SLC49A4: variants seen among roughly 807,000 people sequenced by gnomAD.
SLC49A4 encodes solute carrier family 49 member 4, also known as disrupted in renal cancer protein 2.
A neutral mutation model predicts 50.6 loss-of-function variants in SLC49A4; 36 were observed. The ratio of observed to expected loss-of-function variants is 0.71; its 90% CI spans 0.55 to 0.94. The LOEUF is 0.94. SLC49A4 is among the 40% of genes least tolerant of loss of function. The probability of loss-of-function intolerance (pLI) is 0.00; values close to 1 mark genes in which losing one functional copy is unlikely to be tolerated. For missense variants in SLC49A4, 503 were observed against 605.7 expected, an observed-to-expected ratio of 0.83 and a Z score of 1.78; for synonymous variants, 248 against 241.2, an observed-to-expected ratio of 1.03 and a Z score of -0.26.
In SLC49A4 at chr3:122,860,189, A is replaced by G. The variant is rs1312659478; in HGVS notation, c.1125A>G (p.Leu375=). Residue 375 remains leucine (L), a synonymous_variant, in exon 7 of 9, where the codon CTA becomes CTG. Transcript: ENST00000261038. Reference sequence around the variant, plus strand: ...CCTGTTTGAACAGCATCACACACCTACCTTTAACCACAGGTGAGCATAGGC... The same window carrying G: ...CCTGTTTGAACAGCATCACACACCTGCCTTTAACCACAGGTGAGCATAGGC... ...TLTCLNSITH[L]PLTTVTLYAS... 2 of 1,601,662 alleles carry G rather than the reference A, an allele frequency of 1.2e-6. No homozygotes were observed. Among genetic ancestry groups the G allele is most frequent in the East Asian group, 2.3e-5 (1 of 44,058 alleles).
intron 8 of SLC49A4, 37 bp downstream of exon 8, chr3:122,872,634 G>T: frequency 6.8e-7 from 1 of 1,473,112 alleles, no homozygotes. Context: ...ATCTAAATGT[G>T]TTACAAGAAA....
At chr3:122,849,715 A>G (rs1046883134) in intron 5 of SLC49A4, among the ~76,000 whole-genome samples, 5 of 151,864 alleles carry the variant, frequency 3.3e-5, no homozygotes, top group Admixed American at 3.3e-4. Flanking sequence ...CCTTATAGAT[A>G]GATAGTGGTT....
intron 2 of SLC49A4, among the ~76,000 whole-genome samples, chr3:122,821,521 G>A (rs1177319219): frequency 2.0e-5 from 3 of 152,158 alleles, no homozygotes; most frequent in Non-Finnish European, 4.4e-5. Flanking sequence ...GACCTGCAGA[G>A]GTGCAAGAGA....
At chr3:122,862,681 C>T (rs1937071568) in intron 7 of SLC49A4, among the ~76,000 whole-genome samples, 1 of 152,152 alleles carries the variant, frequency 6.6e-6, no homozygotes, top group South Asian at 2.1e-4. Context: ...TGGGATTTTA[C>T]AAGAACATAG....
chr3:122,815,484 A>G (rs906233538), intron 2 of SLC49A4, among the ~76,000 whole-genome samples: 5 of 152,220 alleles, frequency 3.3e-5, no homozygotes, highest in African/African-American at 1.2e-4. Flanking sequence ...CTCAGCAGCA[A>G]TGTATGTAGT....
chr3:122,846,429 C>T (rs1313340493), intron 5 of SLC49A4, among the ~76,000 whole-genome samples: 1 of 152,054 alleles, frequency 6.6e-6, no homozygotes, highest in Non-Finnish European at 1.5e-5. Context: ...AAAAATTTGT[C>T]TATTCTGCTT....
chr3:122,866,934 A>G (rs954218989), intron 7 of SLC49A4, among the ~76,000 whole-genome samples: 1 of 152,094 alleles, frequency 6.6e-6, no homozygotes, highest in Non-Finnish European at 1.5e-5. Flanking sequence ...TATAATTATC[A>G]TCTTAACACT....
intron 7 of SLC49A4, among the ~76,000 whole-genome samples, chr3:122,864,674 G>A (rs765949231): frequency 1.3e-5 from 2 of 152,150 alleles, no homozygotes; most frequent in Non-Finnish European, 2.9e-5. Context: ...ACCACAAGGT[G>A]ACTTCAAGTG....
At chr3:122,802,752 A>G (rs1310497965) in intron 1 of SLC49A4, among the ~76,000 whole-genome samples, 2 of 152,214 alleles carry the variant, frequency 1.3e-5, no homozygotes, top group African/African-American at 4.8e-5. Context: ...AATATAATCA[A>G]TGTCTGAGAT....
chr3:122,845,703 A>T (rs1936839337), intron 4 of SLC49A4, 60 bp from the exon 5 acceptor site: 7 of 892,410 alleles, frequency 7.8e-6, no homozygotes, highest in Non-Finnish European at 1.1e-5. Context: ...ATTTTTCATG[A>T]CTAAGTTTAT....
At chr3:122,796,132 G>A (rs546288739) in intron 1 of SLC49A4, among the ~76,000 whole-genome samples, 4 of 152,198 alleles carry the variant, frequency 2.6e-5, no homozygotes, top group Admixed American at 2.6e-4. Flanking sequence ...TTGCAGATGA[G>A]TGAAGATGCT....
At chr3:122,821,809 C>T (rs1000947487) in intron 2 of SLC49A4, among the ~76,000 whole-genome samples, 1 of 152,106 alleles carries the variant, frequency 6.6e-6, no homozygotes, top group African/African-American at 2.4e-5. Flanking sequence ...ATTGGCCTTG[C>T]TTTTAAAGCA....
chr3:122,828,668 A>T (rs1213595992), intron 3 of SLC49A4, among the ~76,000 whole-genome samples: 1 of 152,354 alleles, frequency 6.6e-6, no homozygotes, highest in Non-Finnish European at 1.5e-5. Flanking sequence ...TGACATTTAC[A>T]TTTCAAAATA....
At chr3:122,821,796 C>G (rs1576296046) in intron 2 of SLC49A4, among the ~76,000 whole-genome samples, 1 of 152,238 alleles carries the variant, frequency 6.6e-6, no homozygotes. Flanking sequence ...TTTAAAATGT[C>G]ACATTGGCCT....
chr3:122,852,942 C>G (rs1936943707), intron 5 of SLC49A4, among the ~76,000 whole-genome samples: 3 of 152,198 alleles, frequency 2.0e-5, no homozygotes, highest in African/African-American at 7.2e-5. Context: ...TCTCTGATGG[C>G]TTCAGATAAA....
chr3:122,807,280 AC>A (rs1168340523), intron 2 of SLC49A4, among the ~76,000 whole-genome samples: 6 of 152,110 alleles, frequency 3.9e-5, no homozygotes, highest in Admixed American at 3.9e-4. Context: ...TTGCCTCGAG[AC>A]TAGGAGAAGT....
At chr3:122,860,837 T>C (rs796774481) in intron 7 of SLC49A4, among the ~76,000 whole-genome samples, 66 of 152,344 alleles carry the variant, frequency 4.3e-4, no homozygotes, top group African/African-American at 1.5e-3. Context: ...ATTTATTATC[T>C]TACATTTCTG....
At chr3:122,854,583 G>A (rs1936962267) in intron 5 of SLC49A4, among the ~76,000 whole-genome samples, 1 of 152,194 alleles carries the variant, frequency 6.6e-6, no homozygotes, top group South Asian at 2.1e-4. Context: ...CAGCTGGCAG[G>A]AAGGGAGAGA....
At chr3:122,859,367 T>C (rs1044228366) in intron 6 of SLC49A4, among the ~76,000 whole-genome samples, 1 of 152,164 alleles carries the variant, frequency 6.6e-6, no homozygotes, top group Admixed American at 6.5e-5. Flanking sequence ...GCAGGTCACA[T>C]AGGACCTCAG....
Sources: allele counts gnomAD v4.1 joint callset (sites outside exome capture counted in the v4.1 genomes callset), GRCh38; gene constraint gnomAD v4.1.1; transcripts MANE v1.5; gene names NCBI Gene and HGNC (gene_info 2026-07-23, HGNC 2026-07-21).